The following UTRN variants were observed in gnomAD, a reference collection of about 807,000 sequenced individuals.
The protein encoded by UTRN is utrophin.
Under a neutral mutation model 463.9 loss-of-function variants are expected in UTRN, and 283 were observed. The ratio of observed to expected loss-of-function variants is 0.61; its 90% CI spans 0.55 to 0.67. UTRN has a LOEUF of 0.67. UTRN is among the 30% of genes least tolerant of loss of function. The probability of loss-of-function intolerance (pLI) is 0.00; values close to 1 mark genes in which losing one functional copy is unlikely to be tolerated. For synonymous variants in UTRN, 1,442 were observed against 1,431.5 expected, an observed-to-expected ratio of 1.01 and a Z score of -0.17; for missense variants, 3,922 against 4,084.3, an observed-to-expected ratio of 0.96 and a Z score of 1.08.
At chr6:144,651,821 T>G (rs1191699987) in intron 51 of UTRN, among the ~76,000 whole-genome samples, 1 of 152,188 alleles carries the variant, frequency 6.6e-6, no homozygotes, top group Non-Finnish European at 1.5e-5. Flanking sequence ...TACAGTATTT[T>G]TTTTTATTTC....
rs776809943 is a variant in UTRN at position 144,531,205 on chromosome 6, G to T, written c.6057+3G>T. The T allele has an allele frequency of 6.2e-7, 1 of 1,613,552 alleles. No individual in the cohort carries two copies. Among genetic ancestry groups the T allele is most frequent in the Admixed American group, 1.7e-5 (1 of 59,974 alleles). On this transcript the variant is annotated splice_donor_region_variant and intron_variant, in intron 42 of 74. Coordinates refer to ENST00000367545, the MANE Select transcript of UTRN (RefSeq NM_007124.3). The stretch of plus-strand genomic sequence containing the variant: ...AGAAAGCCAGGATACATCAGCAGGT[G>T]AGTGCTTTCTGTTAGAGGAGGGGGA...
intron 2 of UTRN, among the ~76,000 whole-genome samples, chr6:144,349,566 A>C (rs754636993): frequency 6.6e-6 from 1 of 152,210 alleles, no homozygotes; most frequent in Non-Finnish European, 1.5e-5. Context: ...AATTATAAAA[A>C]CCTAGTCTGT....
chr6:144,393,435 G>C (rs560071042), intron 2 of UTRN, among the ~76,000 whole-genome samples: 10 of 152,298 alleles, frequency 6.6e-5, no homozygotes, highest in African/African-American at 1.9e-4. Flanking sequence ...ATTACACTTT[G>C]TATGTTGAAA....
At chr6:144,615,494 T>C (rs903749789) in intron 51 of UTRN, among the ~76,000 whole-genome samples, 3 of 152,172 alleles carry the variant, frequency 2.0e-5, no homozygotes, top group African/African-American at 7.2e-5. Flanking sequence ...TCTGTGCTCA[T>C]ATGATACCCT....
intron 3 of UTRN, among the ~76,000 whole-genome samples, chr6:144,407,280 A>G (rs2114807929): frequency 6.6e-6 from 1 of 152,316 alleles, no homozygotes; most frequent in East Asian, 1.9e-4. Context: ...ATGAATGACA[A>G]TGACATAGAC....
rs151073512 is a variant in UTRN, at chr6:144,801,527, G to GATAT, written c.9246-1496_9246-1493dup. Among the ~76,000 whole-genome samples the GATAT allele has an allele frequency of 2.5e-4, 37 of 149,814 alleles. 1 individual carries two copies. The highest frequency in any genetic ancestry group is 2.3e-3 in the East Asian group (12 of 5,124). On this transcript the variant is annotated intron_variant, in intron 64 of 74. Coordinates refer to ENST00000367545, the MANE Select transcript of UTRN (RefSeq NM_007124.3). ...GTCTTTCTATCAAGCTTCTACCCAA[G>GATAT]ATATATATATATATATTTCATTTTC...
chr6:144,670,871 A>G (rs1780940244), intron 51 of UTRN, among the ~76,000 whole-genome samples: 1 of 152,134 alleles, frequency 6.6e-6, no homozygotes, highest in African/African-American at 2.4e-5. Context: ...CAATTATCCC[A>G]GCACCATTTG....
chr6:144,689,492 G>A (rs1391923974), intron 52 of UTRN, among the ~76,000 whole-genome samples: 1 of 152,206 alleles, frequency 6.6e-6, no homozygotes, highest in African/African-American at 2.4e-5. Flanking sequence ...TTGCTCCCTT[G>A]ATGTGGAGCA....
intron 73 of UTRN, among the ~76,000 whole-genome samples, chr6:144,845,451 T>A (rs1781934047): frequency 6.6e-6 from 1 of 152,216 alleles, no homozygotes; most frequent in Non-Finnish European, 1.5e-5. Flanking sequence ...TAAGCTTGAA[T>A]GGCATTCATC....
At chr6:144,763,246 G>A (rs1353806277) in intron 58 of UTRN, among the ~76,000 whole-genome samples, 1 of 152,138 alleles carries the variant, frequency 6.6e-6, no homozygotes, top group Non-Finnish European at 1.5e-5. Flanking sequence ...AAAATTTGCT[G>A]TCTTACATTT....
Position 144,482,213 on chromosome 6 carries a change from C to G in UTRN, c.3512C>G (p.Ala1171Gly). Residue 1171 changes from alanine to glycine, a missense_variant, in exon 27 of 75, where the codon GCA (alanine) becomes GGA (glycine). Around this residue, in one of 3 missense-constraint regions of UTRN, gnomAD observed 2,349 missense variants for 2,303.8 expected, o/e 1.02. Transcript: ENST00000367545. Reference protein sequence around the residue: ...LESAVEEMKRAKEDVLQKEVR... With the variant: ...LESAVEEMKRGKEDVLQKEVR... ...ATCCATCCTTTCTTGGAACAGAGGG[C>G]AAAAGAGGATGTGTTGCAGAAGGAG... 5 of 1,477,750 alleles carry G rather than the reference C, an allele frequency of 3.4e-6. No homozygotes were observed. The highest frequency in any genetic ancestry group is 3.6e-6 in the Non-Finnish European group (4 of 1,107,490). The allele number at this position is 1,477,750 out of a possible 1,614,324, so 91.5% of individuals were successfully genotyped here.
chr6:144,436,783 A>T (rs1234071973), intron 10 of UTRN, among the ~76,000 whole-genome samples: 4 of 144,334 alleles, frequency 2.8e-5, no homozygotes, highest in African/African-American at 5.0e-5. Flanking sequence ...ATAATAAATA[A>T]ATATATATTT....
At chr6:144,630,048 C>T (rs1017245723) in intron 51 of UTRN, among the ~76,000 whole-genome samples, 3 of 151,910 alleles carry the variant, frequency 2.0e-5, no homozygotes, top group African/African-American at 7.3e-5. Context: ...ATTAGCCAGG[C>T]GTGGTGGTGG....
At chr6:144,417,590 G>T (rs564836539) in intron 3 of UTRN, among the ~76,000 whole-genome samples, 2 of 152,030 alleles carry the variant, frequency 1.3e-5, no homozygotes, top group Non-Finnish European at 1.5e-5. Flanking sequence ...GCCTGTTTCC[G>T]TATGGCCTAT....
At chr6:144,418,093 A>T (rs1292306315) in intron 3 of UTRN, among the ~76,000 whole-genome samples, 1 of 152,226 alleles carries the variant, frequency 6.6e-6, no homozygotes, top group African/African-American at 2.4e-5. Context: ...CAGGTAAACA[A>T]ATAGATGCAG....
At position 144,491,218 on chromosome 6, in the gene UTRN, A is replaced by G. The variant is rs891579372; in HGVS notation, c.4437+116A>G. Reference sequence around the variant, plus strand: ...ATCACTAGTCTACAGTGTGCTAAACATAAGGATTGATGATGGAAAACGTGT... The same window carrying G: ...ATCACTAGTCTACAGTGTGCTAAACGTAAGGATTGATGATGGAAAACGTGT... On this transcript the variant is annotated intron_variant, in intron 32 of 74. Coordinates refer to ENST00000367545, the MANE Select transcript of UTRN (RefSeq NM_007124.3). 14 of 947,090 alleles carry G rather than the reference A, an allele frequency of 1.5e-5. No individual in the cohort carries two copies. The Middle Eastern group carries it at 1.6e-3, about 108-fold the overall frequency. 58.7% of individuals were successfully genotyped at this position (947,090 alleles called of 1,614,324 possible).
chr6:144,561,722 C>T (rs1400567031), intron 50 of UTRN, among the ~76,000 whole-genome samples: 2 of 151,998 alleles, frequency 1.3e-5, no homozygotes, highest in African/African-American at 4.8e-5. Context: ...TTCCTTGATT[C>T]TAAAGTGGAG....
chr6:144,444,786 G>A (rs1346503483), intron 14 of UTRN, among the ~76,000 whole-genome samples: 1 of 152,108 alleles, frequency 6.6e-6, no homozygotes, highest in Non-Finnish European at 1.5e-5. Flanking sequence ...TAATTCCCTA[G>A]ATTTTTTCTT....
At chr6:144,374,124 A>C (rs1174679094) in intron 2 of UTRN, among the ~76,000 whole-genome samples, 1 of 152,226 alleles carries the variant, frequency 6.6e-6, no homozygotes, top group Admixed American at 6.5e-5. Flanking sequence ...GAGAGAAAGC[A>C]AAGAAACCAA....
Sources: allele counts gnomAD v4.1 joint callset (sites outside exome capture counted in the v4.1 genomes callset), GRCh38; gene constraint gnomAD v4.1.1; regional missense constraint gnomAD v4.1.1; transcripts MANE v1.5; gene names NCBI Gene and HGNC (gene_info 2026-07-23, HGNC 2026-07-21).